The following NEBL variants were observed in gnomAD, a reference collection of about 807,000 sequenced individuals.
NEBL encodes nebulette.
Under a neutral mutation model 140.2 loss-of-function variants are expected in NEBL, and 122 were observed. That is an observed-to-expected ratio of 0.87 (90% CI 0.75 to 1.01). NEBL has a LOEUF of 1.01. Among genes scored for constraint, NEBL ranks in the 50% least tolerant of loss-of-function variants. NEBL has a pLI of 0.00. For synonymous variants in NEBL, 436 were observed against 398.9 expected (o/e 1.09, Z -1.11); for missense variants, 1,365 against 1,231.3 (o/e 1.11, Z -1.62).
intron 2 of NEBL, among the ~76,000 whole-genome samples, chr10:21,145,656 T>G (rs1356356042): frequency 6.6e-6 from 1 of 152,122 alleles, no homozygotes; most frequent in Non-Finnish European, 1.5e-5. Context: ...GAAATTAAAA[T>G]CCAAGGAGGT....
At chr10:21,148,972 GGGTCCT>G (rs573576194) in intron 2 of NEBL, among the ~76,000 whole-genome samples, 53 of 152,276 alleles carry the variant, frequency 3.5e-4, no homozygotes, top group Non-Finnish European at 6.6e-4. Context: ...ATTTCAGAAG[GGGTCCT>G]GCCCCATACC....
intron 1 of NEBL, among the ~76,000 whole-genome samples, chr10:21,277,757 A>G (rs1198777050): frequency 6.6e-6 from 1 of 152,188 alleles, no homozygotes; most frequent in Non-Finnish European, 1.5e-5. Context: ...CCATGTTAAC[A>G]TAGTCTTCCA....
At chr10:20,917,517 C>T (rs1589008542) in intron 4 of NEBL, among the ~76,000 whole-genome samples, 1 of 152,162 alleles carries the variant, frequency 6.6e-6, no homozygotes, top group East Asian at 1.9e-4. Flanking sequence ...TGCAAAAAGT[C>T]CGAACTATTC....
chr10:20,907,889 C>T (rs974391158), intron 4 of NEBL, among the ~76,000 whole-genome samples: 22 of 152,062 alleles, frequency 1.4e-4, no homozygotes, highest in Admixed American at 7.9e-4. Flanking sequence ...TGAAGTGCTT[C>T]GAATCTAAAA....
At chr10:21,261,643 T>A (rs574686326) in intron 1 of NEBL, among the ~76,000 whole-genome samples, 133 of 148,126 alleles carry the variant, frequency 9.0e-4, no homozygotes, top group African/African-American at 3.2e-3. Flanking sequence ...TGAGACCCTG[T>A]CTCAAAAAAA....
chr10:20,908,213 A>G (rs1848182788), intron 4 of NEBL, among the ~76,000 whole-genome samples: 2 of 152,242 alleles, frequency 1.3e-5, no homozygotes, highest in African/African-American at 2.4e-5. Flanking sequence ...TTCTCACAGT[A>G]AGAGATTCAT....
chr10:21,202,672 C>A (rs555976311), intron 3 of NEBL, among the ~76,000 whole-genome samples: 1 of 152,094 alleles, frequency 6.6e-6, no homozygotes, highest in South Asian at 2.1e-4. Context: ...CTGTGTTAGC[C>A]AGGATGGTCT....
At chr10:20,837,647 T>C (rs528467168) in intron 13 of NEBL, among the ~76,000 whole-genome samples, 1 of 152,284 alleles carries the variant, frequency 6.6e-6, no homozygotes, top group African/African-American at 2.4e-5. Flanking sequence ...CAAACCAGCC[T>C]TCTATTGGAA....
At chr10:21,129,270 T>TTTTTA (rs898030607) in intron 2 of NEBL, among the ~76,000 whole-genome samples, 3 of 151,850 alleles carry the variant, frequency 2.0e-5, no homozygotes, top group South Asian at 2.1e-4. Context: ...TTTTTTAACT[T>TTTTTA]TTTTATTTTA....
intron 2 of NEBL, among the ~76,000 whole-genome samples, chr10:21,153,140 A>G (rs1398357530): frequency 6.6e-6 from 1 of 152,198 alleles, no homozygotes; most frequent in Non-Finnish European, 1.5e-5. Flanking sequence ...TATCTCATGT[A>G]AACCTCTCAA....
chr10:20,816,282 G>C (rs2130808051), intron 21 of NEBL, among the ~76,000 whole-genome samples: 1 of 152,254 alleles, frequency 6.6e-6, no homozygotes, highest in East Asian at 1.9e-4. Flanking sequence ...AACCACAAAA[G>C]GAAATGAGAA....
intron 7 of NEBL, among the ~76,000 whole-genome samples, chr10:20,863,707 G>A (rs913437715): frequency 4.6e-5 from 7 of 150,750 alleles, no homozygotes; most frequent in African/African-American, 1.7e-4. Context: ...TCCCATAATA[G>A]TGGATCAAAG....
intron 3 of NEBL, among the ~76,000 whole-genome samples, chr10:21,205,547 A>G (rs1269481514): frequency 6.6e-6 from 1 of 152,174 alleles, no homozygotes; most frequent in Non-Finnish European, 1.5e-5. Context: ...AAAACAAATT[A>G]CAGAACAATA....
chr10:21,037,984 C>A (rs1834085776), intron 2 of NEBL, among the ~76,000 whole-genome samples: 1 of 152,042 alleles, frequency 6.6e-6, no homozygotes, highest in African/African-American at 2.4e-5. Flanking sequence ...AAGACATACC[C>A]TAGGGAGATT....
chr10:20,895,908 A>T (rs1847430178), intron 2 of NEBL, among the ~76,000 whole-genome samples: 1 of 152,116 alleles, frequency 6.6e-6, no homozygotes, highest in Non-Finnish European at 1.5e-5. Flanking sequence ...ATGCATTACC[A>T]TTATTTAATC....
chr10:21,195,750 A>G (rs1841638420), intron 3 of NEBL, among the ~76,000 whole-genome samples: 1 of 152,246 alleles, frequency 6.6e-6, no homozygotes, highest in East Asian at 1.9e-4. Context: ...AATCACATGT[A>G]TATTTTATAC....
chr10:20,875,471 T>C (rs1300911680), intron 5 of NEBL, among the ~76,000 whole-genome samples: 1 of 152,176 alleles, frequency 6.6e-6, no homozygotes, highest in Non-Finnish European at 1.5e-5. Context: ...AAAGTGGATG[T>C]GAAATAGACA....
rs1554819369 is a variant in NEBL, at chr10:21,028,254, A to AGAAGAAGAAG, written c.165-8054_165-8053insCTTCTTCTTC. Among the ~76,000 whole-genome samples, 44 of 70,342 alleles carry AGAAGAAGAAG rather than the reference A, an allele frequency of 6.3e-4. 1 individual carries two copies. Among genetic ancestry groups the AGAAGAAGAAG allele is most frequent in the Non-Finnish European group, 8.6e-4 (32 of 37,110 alleles). The allele number at this position is 70,342 out of a possible 152,430, so 46.1% of individuals were successfully genotyped here. A position where few individuals can be genotyped will look rare whatever the true frequency, so the allele number is the denominator to read the frequency against. ...ACATCTCAAAAAAAAAAAAAAAAAA[A>AGAAGAAGAAG]AAGAAGAAGAAGAAGAAGAAGAATG... On this transcript the variant is annotated intron_variant, in intron 2 of 6. Transcript: ENST00000417816.
intron 3 of NEBL, among the ~76,000 whole-genome samples, chr10:20,999,826 T>C (rs902540672): frequency 1.3e-5 from 2 of 152,124 alleles, no homozygotes; most frequent in Non-Finnish European, 2.9e-5. Context: ...ACGCTGCTCC[T>C]TTAATGTCTT....
Sources: gnomAD v4.1 joint callset for allele counts (sites outside exome capture counted in the v4.1 genomes callset) on GRCh38, gnomAD v4.1.1 for gene constraint, MANE v1.5 for transcripts, NCBI Gene and HGNC (gene_info 2026-07-23, HGNC 2026-07-21) for gene names.